PCDH15: variants seen among roughly 807,000 people sequenced by gnomAD.
The protein encoded by PCDH15 is protocadherin related 15.
In PCDH15, 129 loss-of-function variants were observed where a neutral mutation model predicts 178.5. That is an observed-to-expected ratio of 0.72 (90% CI 0.63 to 0.84). The LOEUF (loss-of-function observed/expected upper bound fraction) is 0.84. Ranked by LOEUF, PCDH15 falls within the 40% of genes least tolerant of loss-of-function variation. The pLI, the probability that PCDH15 is intolerant of heterozygous loss-of-function variation, is 0.00. For synonymous variants in PCDH15, 800 were observed against 732.0 expected, an observed-to-expected ratio of 1.09 and a Z score of -1.50; for missense variants, 2,230 against 2,099.9, an observed-to-expected ratio of 1.06 and a Z score of -1.21.
intron 2 of PCDH15, among the ~76,000 whole-genome samples, chr10:54,577,387 C>T (rs1028147345): frequency 9.2e-5 from 14 of 151,890 alleles, no homozygotes; most frequent in African/African-American, 3.1e-4. Flanking sequence ...CCACCGCTCC[C>T]GGCTGAAAAT....
intron 25 of PCDH15, among the ~76,000 whole-genome samples, chr10:53,910,682 T>C (rs1225186962): frequency 6.6e-6 from 1 of 152,074 alleles, no homozygotes; most frequent in Admixed American, 6.6e-5. Context: ...TTGACAGAAG[T>C]AGGCTTCAGA....
At chr10:55,249,990 C>A (rs149196869) in intron 1 of PCDH15, among the ~76,000 whole-genome samples, 1,914 of 151,794 alleles carry the variant, frequency 0.013, 27 homozygotes, top group Middle Eastern at 0.035. Context: ...ATTAATTAAC[C>A]CCAGTAATCC....
intron 2 of PCDH15, among the ~76,000 whole-genome samples, chr10:55,509,897 A>G (rs747424163): frequency 2.6e-5 from 4 of 151,970 alleles, no homozygotes; most frequent in Non-Finnish European, 4.4e-5. Context: ...CCTTGGAGAC[A>G]ATCTAACCGT....
intron 8 of PCDH15, among the ~76,000 whole-genome samples, chr10:54,237,403 T>A (rs939079779): frequency 6.6e-6 from 1 of 152,094 alleles, no homozygotes; most frequent in African/African-American, 2.4e-5. Context: ...AAAATAAAAG[T>A]CACATTATTG....
At position 54,727,554 on chromosome 10, in the gene PCDH15, C is replaced by T. The variant is rs1942750308; in HGVS notation, c.-28-63264G>A. ...CAGGAACTAGAATAACAAGAGCAAA[C>T]CAATCCCATAGATAGAAGAAGACAA... On this transcript the variant is annotated intron_variant, in intron 1 of 37. Transcript: ENST00000644397. Among the ~76,000 whole-genome samples, 3 of 151,428 alleles carry T rather than the reference C, an allele frequency of 2.0e-5. No individual in the cohort carries two copies. In the South Asian group the frequency reaches 6.2e-4, roughly 31 times the overall value.
At chr10:54,411,537 G>T (rs1953519568) in intron 3 of PCDH15, among the ~76,000 whole-genome samples, 1 of 152,064 alleles carries the variant, frequency 6.6e-6, no homozygotes, top group Non-Finnish European at 1.5e-5. Context: ...ACAGTGCCTG[G>T]TTTATAAACT....
chr10:54,627,651 T>C (rs1442966654), intron 2 of PCDH15, among the ~76,000 whole-genome samples: 2 of 152,214 alleles, frequency 1.3e-5, no homozygotes, highest in Non-Finnish European at 2.9e-5. Flanking sequence ...AATGGACTAA[T>C]ACAGCCAGGT....
At chr10:54,044,862 G>T (rs1482531740) in intron 18 of PCDH15, among the ~76,000 whole-genome samples, 1 of 152,100 alleles carries the variant, frequency 6.6e-6, no homozygotes, top group East Asian at 1.9e-4. Context: ...TTTTATTGCT[G>T]CAGTGATTTG....
chr10:54,392,824 T>A (rs2135346302), intron 3 of PCDH15, among the ~76,000 whole-genome samples: 1 of 147,818 alleles, frequency 6.8e-6, no homozygotes, highest in South Asian at 2.1e-4. Flanking sequence ...GCTTGAACCC[T>A]GGAAGTGGAG....
upstream of PCDH15, among the ~76,000 whole-genome samples, chr10:54,804,883 C>G (rs1591710793): frequency 8.6e-6 from 1 of 115,680 alleles, no homozygotes; most frequent in South Asian, 2.9e-4. Flanking sequence ...CTTTCTTTTT[C>G]TGTATTTAAT....
chr10:55,433,659 T>A (rs1838946448), intron 2 of PCDH15, among the ~76,000 whole-genome samples: 1 of 148,726 alleles, frequency 6.7e-6, no homozygotes, highest in African/African-American at 2.5e-5. Context: ...TTAATTTTAA[T>A]ATAATCCAAT....
intron 2 of PCDH15, among the ~76,000 whole-genome samples, chr10:54,622,724 A>G (rs2093422301): frequency 3.0e-5 from 1 of 33,346 alleles, no homozygotes; most frequent in Non-Finnish European, 6.4e-5. Context: ...TATAATATAT[A>G]TTATATAATT....
chr10:55,040,633 G>A (rs1036852237), intron 2 of PCDH15, among the ~76,000 whole-genome samples: 1 of 152,054 alleles, frequency 6.6e-6, no homozygotes, highest in Non-Finnish European at 1.5e-5. Context: ...CGAAAACTGT[G>A]ATTTAAACAT....
At chr10:54,300,001 A>G (rs2060049888) in intron 8 of PCDH15, among the ~76,000 whole-genome samples, 1 of 152,176 alleles carries the variant, frequency 6.6e-6, no homozygotes, top group East Asian at 1.9e-4. Context: ...ACACACTCTT[A>G]AAGGAATTCT....
At chr10:55,589,235 A>C (rs1431005770) in intron 2 of PCDH15, among the ~76,000 whole-genome samples, 1 of 152,080 alleles carries the variant, frequency 6.6e-6, no homozygotes, top group African/African-American at 2.4e-5. Flanking sequence ...TTTTTGTATA[A>C]GGTGTAAGGA....
chr10:53,822,654 C>A lies in PCDH15; in HGVS notation c.4368-2424G>T, dbSNP rs1048667609. 4 of 1,613,924 alleles carry A rather than the reference C, an allele frequency of 2.5e-6. No individual in the cohort carries two copies. The African/African-American group carries it at 5.3e-5, about 22-fold the overall frequency. ...TTCCAAGGAACACTCAGCAGGAGAACTGATGACATTAGGTTCTGATTTGAG... is the reference window on the plus strand; with the variant it reads ...TTCCAAGGAACACTCAGCAGGAGAAATGATGACATTAGGTTCTGATTTGAG... On this transcript the variant is annotated intron_variant, in intron 32 of 37. Transcript: ENST00000644397.
intron 2 of PCDH15, among the ~76,000 whole-genome samples, chr10:54,948,559 A>G (rs1838249888): frequency 6.6e-6 from 1 of 151,924 alleles, no homozygotes; most frequent in African/African-American, 2.4e-5. Flanking sequence ...CTCCCTCATC[A>G]ATGCAGATGA....
chr10:55,549,140 GGAA>G (rs1841952141), intron 2 of PCDH15, among the ~76,000 whole-genome samples: 1 of 150,768 alleles, frequency 6.6e-6, no homozygotes, highest in Non-Finnish European at 1.5e-5. Flanking sequence ...ATCTAATTAG[GGAA>G]GAAGAGGGTT....
intron 1 of PCDH15, among the ~76,000 whole-genome samples, chr10:55,209,755 A>G (rs1381572365): frequency 2.0e-5 from 3 of 152,102 alleles, no homozygotes; most frequent in Non-Finnish European, 4.4e-5. Context: ...TTTTTAAATA[A>G]CATGAGTTTT....
Sources: allele counts gnomAD v4.1 joint callset (sites outside exome capture counted in the v4.1 genomes callset), GRCh38; gene constraint gnomAD v4.1.1; transcripts MANE v1.5; gene names NCBI Gene and HGNC (gene_info 2026-07-23, HGNC 2026-07-21).